The following MALRD1 variants were observed in gnomAD, a reference collection of about 807,000 sequenced individuals.
MALRD1 encodes the protein MAM and LDL-receptor class A domain-containing protein 1.
In MALRD1, 247 loss-of-function variants were observed where a neutral mutation model predicts 242.1. The observed-to-expected ratio is 1.02, with a 90% confidence interval of 0.92 to 1.13. MALRD1 has a LOEUF of 1.13. MALRD1 is among the 50% of genes most tolerant of loss of function. The probability of loss-of-function intolerance (pLI) is 0.00; values close to 1 mark genes in which losing one functional copy is unlikely to be tolerated. For missense variants in MALRD1, 2,989 were observed against 2,533.1 expected (o/e 1.18, Z -3.86); for synonymous variants, 995 against 866.6 (o/e 1.15, Z -2.60).
At chr10:19,519,017 C>T (rs7905457) in intron 31 of MALRD1, among the ~76,000 whole-genome samples, 6,107 of 152,190 alleles carry the variant, frequency 0.04, 388 homozygotes, top group African/African-American at 0.13. Flanking sequence ...GAATGTATCT[C>T]GGGTTATTTT....
chr10:19,575,483 T>TCACACACACACA (rs66882231), intron 33 of MALRD1, among the ~76,000 whole-genome samples: 22 of 148,560 alleles, frequency 1.5e-4, no homozygotes, highest in African/African-American at 4.0e-4. Context: ...AGGCCATGGT[T>TCACACACACACA]CACACACACA....
chr10:19,577,479 C>T (rs1450076498), intron 33 of MALRD1, among the ~76,000 whole-genome samples: 2 of 152,120 alleles, frequency 1.3e-5, no homozygotes, highest in Non-Finnish European at 2.9e-5. Flanking sequence ...GCCTGTTATA[C>T]TAGGAGCTGG....
chr10:19,634,119 A>G (rs538584041), intron 36 of MALRD1, among the ~76,000 whole-genome samples: 14 of 152,050 alleles, frequency 9.2e-5, no homozygotes, highest in African/African-American at 3.4e-4. Context: ...GGGATTACAG[A>G]CATGAGCCAC....
At chr10:19,440,979 T>C (rs60589392) in intron 28 of MALRD1, among the ~76,000 whole-genome samples, 1 of 151,334 alleles carries the variant, frequency 6.6e-6, no homozygotes, top group African/African-American at 2.5e-5. Context: ...AAGTGTTCCT[T>C]TTTCTCTAGA....
intron 28 of MALRD1, among the ~76,000 whole-genome samples, chr10:19,432,727 A>G (rs1239308708): frequency 6.6e-6 from 1 of 152,212 alleles, no homozygotes; most frequent in Non-Finnish European, 1.5e-5. Context: ...CCCATTTTGA[A>G]AGTTCTGAAA....
intron 18 of MALRD1, among the ~76,000 whole-genome samples, chr10:19,230,831 A>C (rs1048274279): frequency 6.6e-6 from 1 of 152,266 alleles, no homozygotes; most frequent in African/African-American, 2.4e-5. Flanking sequence ...AGGCAAATGC[A>C]TTAAAAACTT....
intron 28 of MALRD1, among the ~76,000 whole-genome samples, chr10:19,422,356 C>A (rs1833746422): frequency 1.3e-5 from 2 of 152,086 alleles, no homozygotes; most frequent in Non-Finnish European, 2.9e-5. Context: ...GAGAAAATAT[C>A]TTTTAGATGT....
intron 21 of MALRD1, among the ~76,000 whole-genome samples, chr10:19,284,034 T>C (rs1017236801): frequency 1.1e-4 from 16 of 152,174 alleles, no homozygotes; most frequent in African/African-American, 3.9e-4. Context: ...GGAGCATTTC[T>C]TTCTGAATGG....
chr10:19,272,613 C>G (rs1021501291), intron 19 of MALRD1, among the ~76,000 whole-genome samples: 3 of 151,984 alleles, frequency 2.0e-5, no homozygotes, highest in Admixed American at 6.6e-5. Flanking sequence ...TTTGCTGCAC[C>G]CATCAACCTT....
intron 18 of MALRD1, among the ~76,000 whole-genome samples, chr10:19,256,400 G>A (rs914959533): frequency 6.6e-6 from 1 of 151,982 alleles, no homozygotes; most frequent in African/African-American, 2.4e-5. Flanking sequence ...GTATGAGTTT[G>A]GACTAAACAT....
chr10:19,536,894 G>C (rs2131365663), intron 32 of MALRD1, among the ~76,000 whole-genome samples: 1 of 152,274 alleles, frequency 6.6e-6, no homozygotes, highest in South Asian at 2.1e-4. Context: ...CTCATCACCT[G>C]CTGAGAGAGG....
chr10:19,464,532 T>C (rs775001238), intron 29 of MALRD1, among the ~76,000 whole-genome samples: 22 of 152,062 alleles, frequency 1.4e-4, no homozygotes, highest in Admixed American at 2.6e-4. Flanking sequence ...GTATTTGGGG[T>C]TTATTTATTG....
At chr10:19,711,921 G>T (rs928007134) in intron 38 of MALRD1, among the ~76,000 whole-genome samples, 2 of 152,178 alleles carry the variant, frequency 1.3e-5, no homozygotes, top group Admixed American at 1.3e-4. Flanking sequence ...ACAGGAATTA[G>T]AGAGGGGTAA....
intron 22 of MALRD1, 135 bp from the exon 23 acceptor site, chr10:19,327,426 AAT>A: frequency 1.7e-6 from 1 of 604,296 alleles, no homozygotes. Context: ...TCTAATAAAA[AAT>A]ATCTTAGCTC....
intron 21 of MALRD1, among the ~76,000 whole-genome samples, chr10:19,320,286 G>C (rs1842870140): frequency 6.6e-6 from 1 of 151,732 alleles, no homozygotes; most frequent in Admixed American, 6.6e-5. Flanking sequence ...TGTTCTCATT[G>C]TTCAGCTCCC....
chr10:19,138,784 A>G (rs1407898168), intron 10 of MALRD1, among the ~76,000 whole-genome samples: 3 of 152,096 alleles, frequency 2.0e-5, no homozygotes, highest in African/African-American at 7.2e-5. Context: ...ATCATACTTT[A>G]TGTTCACCTT....
rs190867901 is a variant in MALRD1 at position 19,645,550 on chromosome 10, A to C, written c.6137+29627A>C. Among the ~76,000 whole-genome samples, 559 of 152,334 alleles carry C rather than the reference A, an allele frequency of 3.7e-3. 3 individuals are homozygous for C. Among genetic ancestry groups the C allele is most frequent in the African/African-American group, 0.013 (534 of 41,562 alleles). The stretch of plus-strand genomic sequence containing the variant: ...ACACTGTGGAATACTATGCAGCCAT[A>C]AAAAATGATGAGTTCATGTCCTTTG... On this transcript the variant is annotated intron_variant, in intron 36 of 39. Transcript: ENST00000454679.
At chr10:19,275,913 G>C (rs1407591715) in intron 19 of MALRD1, among the ~76,000 whole-genome samples, 1 of 152,102 alleles carries the variant, frequency 6.6e-6, no homozygotes, top group African/African-American at 2.4e-5. Context: ...GAAAACATGT[G>C]TGATCCACTG....
At chr10:19,081,157 T>C (rs910041119) in intron 2 of MALRD1, among the ~76,000 whole-genome samples, 7 of 151,928 alleles carry the variant, frequency 4.6e-5, no homozygotes, top group Non-Finnish European at 1.0e-4. Context: ...ATGCTTTACA[T>C]AGTGGGTGAG....
Sources: gnomAD v4.1 joint callset for allele counts (sites outside exome capture counted in the v4.1 genomes callset) on GRCh38, gnomAD v4.1.1 for gene constraint, MANE v1.5 for transcripts, NCBI Gene and HGNC (gene_info 2026-07-23, HGNC 2026-07-21) for gene names.